Variants in DMXL2 observed in about 807,000 individuals in gnomAD.
DMXL2 encodes the protein Dmx like 2.
Under a neutral mutation model 331.1 loss-of-function variants are expected in DMXL2, and 103 were observed. That is an observed-to-expected ratio of 0.31 (90% CI 0.27 to 0.37). DMXL2 has a LOEUF of 0.37. Among genes scored for constraint, DMXL2 ranks in the 10% least tolerant of loss-of-function variants. The probability of loss-of-function intolerance (pLI) is 1.00; values close to 1 mark genes in which losing one functional copy is unlikely to be tolerated. For synonymous variants in DMXL2, 1,281 were observed against 1,252.1 expected, an observed-to-expected ratio of 1.02 and a Z score of -0.49; for missense variants, 3,171 against 3,642.9, an observed-to-expected ratio of 0.87 and a Z score of 3.33.
intron 42 of DMXL2, 122 bp from the exon 43 acceptor site, chr15:51,450,468 T>C (rs993094933): frequency 3.1e-6 from 3 of 962,288 alleles, no homozygotes; most frequent in African/African-American, 3.3e-5. Context: ...GGTACATTTA[T>C]TGTTTTGTAA....
intron 1 of DMXL2, among the ~76,000 whole-genome samples, chr15:51,604,278 A>AAG (rs1446419450): frequency 6.6e-5 from 10 of 151,224 alleles, no homozygotes; most frequent in African/African-American, 2.4e-4. Flanking sequence ...CATCTATAAA[A>AAG]AAAAAACCTA....
At chr15:51,572,567 C>T (rs1483897482) in intron 2 of DMXL2, among the ~76,000 whole-genome samples, 1 of 152,182 alleles carries the variant, frequency 6.6e-6, no homozygotes, top group African/African-American at 2.4e-5. Context: ...TCCAGCAGCA[C>T]ATCAAAAAGC....
intron 15 of DMXL2, among the ~76,000 whole-genome samples, chr15:51,514,038 C>T (rs762747250): frequency 6.6e-6 from 1 of 152,102 alleles, no homozygotes; most frequent in Non-Finnish European, 1.5e-5. Context: ...GTGTCCCACA[C>T]AACATGATAC....
At chr15:51,571,981 A>G (rs2050698189) in intron 2 of DMXL2, among the ~76,000 whole-genome samples, 1 of 152,208 alleles carries the variant, frequency 6.6e-6, no homozygotes, top group Non-Finnish European at 1.5e-5. Flanking sequence ...CTCTTCAAAA[A>G]ATCAATGAAT....
intron 1 of DMXL2, among the ~76,000 whole-genome samples, chr15:51,587,869 T>C (rs2051977686): frequency 6.6e-6 from 1 of 152,202 alleles, no homozygotes; most frequent in South Asian, 2.1e-4. Flanking sequence ...TTCTAACTGG[T>C]GTGAGATGGT....
intron 14 of DMXL2, 79 bp from the exon 15 acceptor site, chr15:51,514,638 T>C (rs1200672109): frequency 1.2e-6 from 1 of 801,234 alleles, no homozygotes; most frequent in Non-Finnish European, 2.1e-6. Flanking sequence ...ACCTCCCCAA[T>C]GCTAATGCAG....
At chr15:51,587,537 A>G (rs1204914469) in intron 1 of DMXL2, among the ~76,000 whole-genome samples, 1 of 152,192 alleles carries the variant, frequency 6.6e-6, no homozygotes, top group Non-Finnish European at 1.5e-5. Flanking sequence ...CATGGTGTAT[A>G]TGTGCCACAT....
Position 51,474,610 on chromosome 15 carries a change from A to T in DMXL2, c.6965-18T>A. The stretch of plus-strand genomic sequence containing the variant: ...GCTCACACCTATAAGGGTATATAAA[A>T]TCATAAGACGTATGTCAGGATGAAG... On this transcript the variant is annotated intron_variant, in intron 27 of 43. Coordinates refer to ENST00000560891, the MANE Select transcript of DMXL2 (RefSeq NM_001378457.1). The T allele has an allele frequency of 6.3e-7, 1 of 1,577,814 alleles. No homozygotes were observed. The highest frequency in any genetic ancestry group is 1.4e-5 in the African/African-American group (1 of 73,898).
At position 51,538,450 on chromosome 15, in the gene DMXL2, T is replaced by C. The variant is rs185394436; in HGVS notation, c.1108A>G (p.Ile370Val). Residue 370 changes from isoleucine to valine, a missense_variant and splice_region_variant, in exon 10 of 44, where the codon ATT becomes GTT. Coordinates refer to ENST00000560891, the MANE Select transcript of DMXL2 (RefSeq NM_001378457.1). ...GCAGTGCCAACCAAGACATTTGGAATATCTGTGGAAATAAAAGAGATTTCA... is the reference window on the plus strand; with the variant it reads ...GCAGTGCCAACCAAGACATTTGGAACATCTGTGGAAATAAAAGAGATTTCA... Reference protein sequence around the residue: ...IAASINPATDIPNVLVGTAFN... With the variant: ...IAASINPATDVPNVLVGTAFN... 2.8e-5 allele frequency: 44 copies of C among 1,582,910 alleles called. 1 individual carries two copies. In the Admixed American group the frequency reaches 7.1e-4, roughly 25 times the overall value.
At chr15:51,571,883 A>T (rs1384684966) in intron 2 of DMXL2, among the ~76,000 whole-genome samples, 1 of 152,176 alleles carries the variant, frequency 6.6e-6, no homozygotes, top group Non-Finnish European at 1.5e-5. Context: ...AGAACTAGAG[A>T]AGCAAGAGCA....
intron 8 of DMXL2, among the ~76,000 whole-genome samples, chr15:51,544,365 C>T (rs562243510): frequency 6.6e-6 from 1 of 152,260 alleles, no homozygotes; most frequent in South Asian, 2.1e-4. Context: ...TGTGATGTGC[C>T]GGCTCCTGCT....
intron 1 of DMXL2, among the ~76,000 whole-genome samples, chr15:51,597,067 A>G (rs1289958806): frequency 6.6e-6 from 1 of 152,068 alleles, no homozygotes; most frequent in Non-Finnish European, 1.5e-5. Flanking sequence ...AACTTAAAGT[A>G]TAATAATAAT....
intron 6 of DMXL2, among the ~76,000 whole-genome samples, chr15:51,560,390 T>C (rs1250751553): frequency 6.7e-6 from 1 of 150,300 alleles, no homozygotes; most frequent in Admixed American, 6.7e-5. Context: ...GATGGGTACA[T>C]AGGAGTTCAG....
intron 4 of DMXL2, among the ~76,000 whole-genome samples, chr15:51,564,738 A>T (rs1363944950): frequency 6.6e-6 from 1 of 152,126 alleles, no homozygotes; most frequent in East Asian, 1.9e-4. Flanking sequence ...TAAAGATAGT[A>T]ATTTCCTGAT....
rs1369541343 is a variant in DMXL2 at position 51,476,702 on chromosome 15, T to C, written c.6851A>G (p.Asn2284Ser). Residue 2284 changes from asparagine (N) to serine (S), a missense_variant, in exon 27 of 44, where the codon AAT (asparagine) becomes AGT (serine). Asn to Ser is a conservative substitution (Grantham distance 46). Around this residue, in one of 7 missense-constraint regions of DMXL2, gnomAD observed 766 missense variants for 940.5 expected, o/e 0.81. Transcript: ENST00000560891. ...TTGATAAGCCATTCCTGTAAACTGA[T>C]TTCCTTCTGTTTGACTGCTAAAACA... Reference protein sequence around the residue: ...SHSYSSQTEGNQFTGMAYQGL... With the variant: ...SHSYSSQTEGSQFTGMAYQGL... The C allele has an allele frequency of 1.2e-6, 2 of 1,601,146 alleles. No homozygotes were observed. Among genetic ancestry groups the C allele is most frequent in the Admixed American group, 1.8e-5 (1 of 56,290 alleles).
rs113771652 is a variant in DMXL2, at chr15:51,486,166, G to C, written c.5389C>G (p.Leu1797Val). The C allele has an allele frequency of 1.9e-6, 3 of 1,614,032 alleles. No individual in the cohort carries two copies. In the East Asian group the frequency reaches 6.7e-5, roughly 36 times the overall value. The change falls in exon 23 of 44, where the codon CTG (leucine) becomes GTG (valine). Residue 1797 changes from leucine (L) to valine (V), a missense_variant. This residue lies in a region of DMXL2 where 252 missense variants were observed against 387.4 expected (regional missense o/e 0.65). Transcript: ENST00000560891. ...ATTACCCAATAGGCAAGACTACGCA[G>C]GAAAGGATCAGGATGTAATCTTTTG... ...SCKRLHPDPF[L>V]RSLAYWVMKD... is the part of the protein sequence containing the mutation.
intron 42 of DMXL2, among the ~76,000 whole-genome samples, chr15:51,451,389 A>G (rs918916973): frequency 1.3e-5 from 2 of 152,248 alleles, no homozygotes; most frequent in African/African-American, 4.8e-5. Context: ...TAGTAGTACC[A>G]CTATCCATAC....
Position 51,600,248 on chromosome 15 carries a change from C to T in DMXL2, c.87+22211G>A, listed in dbSNP as rs550110417. 2.6e-5 allele frequency among the ~76,000 whole-genome samples: 4 copies of T among 152,298 alleles called. No homozygotes were observed. The South Asian group carries it at 8.3e-4, about 32-fold the overall frequency. ...TCCTCAATGTGGTCAATCAAGATAC[C>T]TGCCTTTTACAACCACCTCCTGGTT... On this transcript the variant is annotated intron_variant, in intron 1 of 43. Coordinates refer to ENST00000560891, the MANE Select transcript of DMXL2 (RefSeq NM_001378457.1).
intron 7 of DMXL2, among the ~76,000 whole-genome samples, chr15:51,546,950 A>C (rs2048923806): frequency 6.6e-6 from 1 of 152,142 alleles, no homozygotes; most frequent in Non-Finnish European, 1.5e-5. Flanking sequence ...AAAGGCCTGT[A>C]CTAAGCACTT....
Sources: gnomAD v4.1 joint callset for allele counts (sites outside exome capture counted in the v4.1 genomes callset) on GRCh38, gnomAD v4.1.1 for gene constraint, gnomAD v4.1.1 regional missense constraint, MANE v1.5 for transcripts, NCBI Gene and HGNC (gene_info 2026-07-23, HGNC 2026-07-21) for gene names.